The following TPST1 variants were observed in gnomAD, a reference collection of about 807,000 sequenced individuals.
TPST1 encodes protein-tyrosine sulfotransferase 1.
In TPST1, 20 loss-of-function variants were observed where a neutral mutation model predicts 34.8. The observed-to-expected ratio is 0.57, with a 90% confidence interval of 0.40 to 0.84. TPST1 has a LOEUF of 0.84. TPST1 is among the 40% of genes least tolerant of loss of function. The pLI, the probability that TPST1 is intolerant of heterozygous loss-of-function variation, is 0.00. For missense variants in TPST1, 353 were observed against 455.5 expected, an observed-to-expected ratio of 0.78 and a Z score of 2.05; for synonymous variants, 152 against 159.4, an observed-to-expected ratio of 0.95 and a Z score of 0.35.
At chr7:66,324,195 A>C (rs1791814861) in intron 3 of TPST1, among the ~76,000 whole-genome samples, 1 of 152,212 alleles carries the variant, frequency 6.6e-6, no homozygotes, top group Non-Finnish European at 1.5e-5. Flanking sequence ...GGTACATAGA[A>C]TAGGTCAATT....
chr7:66,234,843 A>AT (rs1789878531), intron 1 of TPST1, among the ~76,000 whole-genome samples: 1 of 151,520 alleles, frequency 6.6e-6, no homozygotes, highest in African/African-American at 2.4e-5. Flanking sequence ...CGCCTGGCTA[A>AT]TTTTTTGTAT....
intron 2 of TPST1, among the ~76,000 whole-genome samples, chr7:66,261,345 C>T (rs895832192): frequency 6.6e-6 from 1 of 150,486 alleles, no homozygotes; most frequent in East Asian, 1.9e-4. Context: ...TTTCTGAAAC[C>T]TTTTATATTA....
chr7:66,359,424 C>G (rs1176808899), intron 5 of TPST1: 1 of 154,110 alleles, frequency 6.5e-6, no homozygotes, highest in East Asian at 1.9e-4. Flanking sequence ...GTGCTGCCCC[C>G]TGGACACTTG....
chr7:66,279,320 C>G (rs1245744721), intron 2 of TPST1, among the ~76,000 whole-genome samples: 1 of 152,156 alleles, frequency 6.6e-6, no homozygotes, highest in Non-Finnish European at 1.5e-5. Flanking sequence ...TTTTCATCAT[C>G]CAGTCCACTG....
At chr7:66,271,542 T>C (rs1199113886) in intron 2 of TPST1, among the ~76,000 whole-genome samples, 1 of 152,204 alleles carries the variant, frequency 6.6e-6, no homozygotes, top group Non-Finnish European at 1.5e-5. Flanking sequence ...CTCCCATTTC[T>C]GCCCCTGGTA....
chr7:66,315,181 G>T (rs1046370218), intron 3 of TPST1, among the ~76,000 whole-genome samples: 2 of 152,180 alleles, frequency 1.3e-5, no homozygotes, highest in Non-Finnish European at 2.9e-5. Context: ...GACTTAACAC[G>T]GTGTGGCCAC....
At chr7:66,202,154 C>G (rs938644903), upstream of TPST1, among the ~76,000 whole-genome samples, 4 of 151,826 alleles carry the variant, frequency 2.6e-5, no homozygotes, top group Non-Finnish European at 5.9e-5. Context: ...TTTTTTCCTT[C>G]TAGCACATAT....
intron 2 of TPST1, among the ~76,000 whole-genome samples, chr7:66,278,353 C>T (rs576158436): frequency 2.6e-5 from 4 of 152,142 alleles, no homozygotes; most frequent in Admixed American, 2.6e-4. Context: ...GCTGAGGCTG[C>T]CGTGCGGGTA....
At chr7:66,206,187 G>C (rs1202102613) in intron 1 of TPST1, among the ~76,000 whole-genome samples, 1 of 144,098 alleles carries the variant, frequency 6.9e-6, no homozygotes, top group Non-Finnish European at 1.5e-5. Context: ...TCGAACTCCT[G>C]ACCTCAAGCT....
intron 1 of TPST1, among the ~76,000 whole-genome samples, chr7:66,225,127 G>A (rs1789625852): frequency 1.3e-5 from 2 of 151,020 alleles, no homozygotes; most frequent in African/African-American, 4.8e-5. Flanking sequence ...ATGTTGGCCA[G>A]GCTGGTCTTG....
intron 3 of TPST1, among the ~76,000 whole-genome samples, chr7:66,315,795 C>G (rs543103519): frequency 2.6e-5 from 4 of 151,922 alleles, no homozygotes; most frequent in African/African-American, 9.7e-5. Context: ...ATTCTAAGTT[C>G]AATCAGGCAA....
intron 2 of TPST1, among the ~76,000 whole-genome samples, chr7:66,276,365 C>CATATATAT (rs138862941): frequency 0.049 from 4,486 of 90,814 alleles, 626 homozygotes; most frequent in Middle Eastern, 0.12. Flanking sequence ...AAAAACATTT[C>CATATATAT]ATATATATAT....
chr7:66,358,010 A>G (rs1792616734), intron 5 of TPST1, among the ~76,000 whole-genome samples: 1 of 152,094 alleles, frequency 6.6e-6, no homozygotes, highest in Non-Finnish European at 1.5e-5. Flanking sequence ...CTTGAACCCA[A>G]GAGGTGGATG....
At chr7:66,301,565 A>G (rs957212692) in intron 3 of TPST1, among the ~76,000 whole-genome samples, 2 of 152,188 alleles carry the variant, frequency 1.3e-5, no homozygotes, top group African/African-American at 2.4e-5. Context: ...ATATGCGACT[A>G]TTCCTTTCAT....
chr7:66,328,345 A>G (rs1791914593), intron 3 of TPST1, among the ~76,000 whole-genome samples: 1 of 151,714 alleles, frequency 6.6e-6, no homozygotes, highest in African/African-American at 2.4e-5. Flanking sequence ...CATTTTGGTA[A>G]ATAAAGTTTT....
At chr7:66,321,881 G>A (rs1184655094) in intron 3 of TPST1, among the ~76,000 whole-genome samples, 4 of 152,180 alleles carry the variant, frequency 2.6e-5, no homozygotes, top group African/African-American at 9.7e-5. Context: ...CCTATGTTGT[G>A]AAGTGCCAGT....
At chr7:66,203,206 A>C (rs896057334), upstream of TPST1, among the ~76,000 whole-genome samples, 9 of 149,132 alleles carry the variant, frequency 6.0e-5, no homozygotes, top group Admixed American at 6.7e-5. Flanking sequence ...TATACACACA[A>C]ACACACACAC....
At chr7:66,213,585 C>G (rs1039707934) in intron 1 of TPST1, among the ~76,000 whole-genome samples, 13 of 152,040 alleles carry the variant, frequency 8.6e-5, no homozygotes, top group Non-Finnish European at 8.8e-5. Flanking sequence ...GAAACCTCGT[C>G]TCTACTAAAA....
At chr7:66,326,562 A>G (rs1416237738) in intron 3 of TPST1, among the ~76,000 whole-genome samples, 2 of 152,206 alleles carry the variant, frequency 1.3e-5, no homozygotes, top group East Asian at 3.8e-4. Context: ...CTGTGGTCAA[A>G]TAATATGATT....
Sources: gnomAD v4.1 joint callset for allele counts (sites outside exome capture counted in the v4.1 genomes callset) on GRCh38, gnomAD v4.1.1 for gene constraint, MANE v1.5 for transcripts, NCBI Gene and HGNC (gene_info 2026-07-23, HGNC 2026-07-21) for gene names.